Variants in APCDD1L observed in about 807,000 individuals in gnomAD.
The protein encoded by APCDD1L is APC down-regulated 1 like.
In APCDD1L, 21 loss-of-function variants were observed where a neutral mutation model predicts 24.2. That is an observed-to-expected ratio of 0.87 (90% confidence interval 0.61 to 1.25). The LOEUF is 1.25. APCDD1L is among the 50% of genes most tolerant of loss of function. The pLI is 0.00. For synonymous variants in APCDD1L, 321 were observed against 323.6 expected (o/e 0.99, Z 0.09); for missense variants, 704 against 711.7 (o/e 0.99, Z 0.12).
chr20:58,513,837 AT>A, intron 1 of APCDD1L: 1 of 1,261,100 alleles, frequency 7.9e-7, no homozygotes, highest in Non-Finnish European at 1.1e-6. Context: ...ACGGGTTGAT[AT>A]GATGTTGATC....
chr20:58,482,994 A>G (rs1041129177), intron 1 of APCDD1L, among the ~76,000 whole-genome samples: 1 of 152,168 alleles, frequency 6.6e-6, no homozygotes, highest in Non-Finnish European at 1.5e-5. Context: ...CAAGCCAATT[A>G]TTCTGCCCAG....
At chr20:58,512,300 G>A (rs571621936) in intron 1 of APCDD1L, among the ~76,000 whole-genome samples, 8 of 152,294 alleles carry the variant, frequency 5.3e-5, no homozygotes, top group South Asian at 4.1e-4. Context: ...TGATTTTGAC[G>A]GATTCGTCTG....
chr20:58,463,351 C>T (rs1358821001), intron 3 of APCDD1L, among the ~76,000 whole-genome samples: 1 of 152,084 alleles, frequency 6.6e-6, no homozygotes, highest in Non-Finnish European at 1.5e-5. Context: ...TTTCCTCTGT[C>T]TTTGCCCTTA....
In APCDD1L at chr20:58,467,164, G is replaced by C. The variant is rs765942987; in HGVS notation, c.683C>G (p.Pro228Arg). Residue 228 changes from proline (P) to arginine (R), a missense_variant, in exon 3 of 4, where the codon CCG (proline) becomes CGG (arginine). Pro to Arg is a moderately radical substitution (Grantham distance 103, BLOSUM62 -2). Coordinates refer to ENST00000371149, the MANE Select transcript of APCDD1L (RefSeq NM_153360.3). The surrounding 1 kb of genome is among the most constrained non-coding windows in gnomAD (Gnocchi z 5.9). ...GGGCCGGTAGTGCCGCCTCTCCGCC[G>C]GGTCGGTGTGGATGTCCCCCAGGTA... ...ELYLGDIHTD[P>R]AERRHYRPTG... 1 of 1,607,688 alleles carries C rather than the reference G, an allele frequency of 6.2e-7. No homozygotes were observed. Among genetic ancestry groups the C allele is most frequent in the South Asian group, 1.1e-5 (1 of 91,028 alleles).
At chr20:58,479,356 A>T (rs565280889) in intron 1 of APCDD1L, among the ~76,000 whole-genome samples, 2 of 152,322 alleles carry the variant, frequency 1.3e-5, no homozygotes, top group Admixed American at 1.3e-4. Context: ...GTCACATTTC[A>T]GGTGCCCTGT....
At chr20:58,495,664 C>G (rs1482145750) in intron 1 of APCDD1L, among the ~76,000 whole-genome samples, 3 of 152,128 alleles carry the variant, frequency 2.0e-5, no homozygotes. Context: ...CCTCGTCTGT[C>G]GCGGGGTCAG....
At chr20:58,492,388 G>C (rs1407781323) in intron 1 of APCDD1L, among the ~76,000 whole-genome samples, 4 of 152,186 alleles carry the variant, frequency 2.6e-5, no homozygotes, top group African/African-American at 7.2e-5. Flanking sequence ...ACACAAGTTG[G>C]TATTTCACAA....
intron 1 of APCDD1L, among the ~76,000 whole-genome samples, chr20:58,475,872 C>T (rs75703869): frequency 0.031 from 4,778 of 152,278 alleles, 94 homozygotes; most frequent in South Asian, 0.038. Flanking sequence ...TTCATCCCTA[C>T]TTGTGTGTTT....
intron 1 of APCDD1L, among the ~76,000 whole-genome samples, chr20:58,490,377 C>T (rs570328154): frequency 2.0e-5 from 3 of 152,202 alleles, no homozygotes; most frequent in Non-Finnish European, 4.4e-5. Context: ...GCTGAGGACA[C>T]ATTCATGGTG....
At chr20:58,500,432 C>G (rs13039369) in intron 1 of APCDD1L, among the ~76,000 whole-genome samples, 1 of 152,170 alleles carries the variant, frequency 6.6e-6, no homozygotes, top group East Asian at 1.9e-4. Context: ...TCCGGCCCCG[C>G]TCTGGGCCAA....
At chr20:58,496,008 C>G (rs982160856) in intron 1 of APCDD1L, among the ~76,000 whole-genome samples, 1 of 152,216 alleles carries the variant, frequency 6.6e-6, no homozygotes, top group Admixed American at 6.5e-5. Context: ...AGGCCCTACC[C>G]CATTGAGGGT....
chr20:58,492,144 G>A (rs941579151), intron 1 of APCDD1L, among the ~76,000 whole-genome samples: 1 of 152,192 alleles, frequency 6.6e-6, no homozygotes, highest in African/African-American at 2.4e-5. Context: ...TTATGACCGC[G>A]AGCTAGCAAA....
In APCDD1L at chr20:58,514,582, C is replaced by T. The variant is rs1600889256; in HGVS notation, c.49+77G>A. 6 of 1,257,036 alleles carry T rather than the reference C, an allele frequency of 4.8e-6. No homozygotes were observed. In the East Asian group the frequency reaches 1.8e-4, roughly 37 times the overall value. 77.9% of individuals were successfully genotyped at this position (1,257,036 alleles called of 1,614,324 possible). A position where few individuals can be genotyped will look rare whatever the true frequency, so the allele number is the denominator to read the frequency against. ...CCCAGGGCCGTAGTCCCCAAGGGCCCTTAGGGGACATTAGACGGCGAGCTC... is the reference window on the plus strand; with the variant it reads ...CCCAGGGCCGTAGTCCCCAAGGGCCTTTAGGGGACATTAGACGGCGAGCTC... On this transcript the variant is annotated intron_variant, in intron 1 of 3. Transcript: ENST00000371149.
Position 58,465,613 on chromosome 20 carries a change from T to A in APCDD1L, c.741+1493A>T, listed in dbSNP as rs146808375. 4.2e-4 allele frequency among the ~76,000 whole-genome samples: 64 copies of A among 152,296 alleles called. 1 individual carries two copies. The East Asian group carries it at 0.011, about 27-fold the overall frequency. On this transcript the variant is annotated intron_variant, in intron 3 of 3. Transcript: ENST00000371149. ...TCTGCTCGTTTGTGCACTCAAGAAATACGCATTGGGTGCCTTGTACAGAAG... is the reference window on the plus strand; with the variant it reads ...TCTGCTCGTTTGTGCACTCAAGAAAAACGCATTGGGTGCCTTGTACAGAAG...
chr20:58,501,543 C>T lies in APCDD1L; in HGVS notation c.49+13116G>A, dbSNP rs1990437525. Among the ~76,000 whole-genome samples, 4 of 152,236 alleles carry T rather than the reference C, an allele frequency of 2.6e-5. No individual in the cohort carries two copies. In the South Asian group the frequency reaches 8.3e-4, roughly 32 times the overall value. On this transcript the variant is annotated intron_variant, in intron 1 of 3. Transcript: ENST00000371149. ...AGACACCTTGATCTCTGACTTCCAG[C>T]CTCCAGAGCTGGGCAAGAAAGAATT...
chr20:58,489,104 C>T (rs1313294140), intron 1 of APCDD1L, among the ~76,000 whole-genome samples: 1 of 152,072 alleles, frequency 6.6e-6, no homozygotes, highest in African/African-American at 2.4e-5. Context: ...GTTTATGATC[C>T]AATGTGTGTG....
rs2295440 is a variant in APCDD1L at position 58,460,020 on chromosome 20, C to T, written c.*770G>A. ...GCCTGGGCCAGGAAGGCTTGGAGGC[C>T]GCAGGCTGCTCTGGGGAGGCCATGC... On this transcript the variant is annotated 3_prime_UTR_variant, in exon 4 of 4. Coordinates refer to ENST00000371149, the MANE Select transcript of APCDD1L (RefSeq NM_153360.3). The surrounding 1 kb of genome is among the most constrained non-coding windows in gnomAD (Gnocchi z 4.2). 49,194 of 152,312 alleles carry T rather than the reference C, an allele frequency of 0.32. 8,800 individuals carry two copies. Among genetic ancestry groups the T allele is most frequent in the South Asian group, 0.44 (2,146 of 4,826 alleles). 9.4% of individuals were successfully genotyped at this position (152,312 alleles called of 1,614,324 possible).
chr20:58,461,156 C>T lies in APCDD1L; in HGVS notation c.1140G>A (p.Gly380=). ...MLNFSEPSSC[G]GAGAWSMGTE... is the part of the protein sequence containing the mutation. ...TGCCCATGGACCAGGCCCCCGCACC[C>T]CCACAGCTGCTTGGCTCAGAGAAGT... Residue 380 remains glycine (G), a synonymous_variant, in exon 4 of 4, where the codon GGG becomes GGA. Coordinates refer to ENST00000371149, the MANE Select transcript of APCDD1L (RefSeq NM_153360.3). This position sits in a 1 kb window ranked among gnomAD's most constrained non-coding sequence, Gnocchi z 6.0. The T allele has an allele frequency of 6.2e-7, 1 of 1,613,032 alleles. No individual in the cohort carries two copies. The highest frequency in any genetic ancestry group is 8.5e-7 in the Non-Finnish European group (1 of 1,179,382).
intron 1 of APCDD1L, among the ~76,000 whole-genome samples, chr20:58,486,189 T>C (rs1239266342): frequency 6.6e-6 from 1 of 152,132 alleles, no homozygotes; most frequent in Non-Finnish European, 1.5e-5. Context: ...TAGAATAATA[T>C]ACATGAAATG....
Sources: gnomAD v4.1 joint callset for allele counts (sites outside exome capture counted in the v4.1 genomes callset) on GRCh38, gnomAD v4.1.1 for gene constraint, Gnocchi (gnomAD v3.1) non-coding constraint, MANE v1.5 for transcripts, NCBI Gene and HGNC (gene_info 2026-07-23, HGNC 2026-07-21) for gene names.